Variants in PARD3 observed in about 807,000 individuals in gnomAD.
PARD3 encodes partitioning defective 3 homolog.
PARD3 carries 75 observed loss-of-function variants against 155.4 expected under a neutral mutation model. That is an observed-to-expected ratio of 0.48 (90% CI 0.40 to 0.58). The LOEUF is 0.58. Ranked by LOEUF, PARD3 falls within the 20% of genes least tolerant of loss-of-function variation. PARD3 has a pLI of 0.00. For synonymous variants in PARD3, 576 were observed against 610.5 expected, an observed-to-expected ratio of 0.94 and a Z score of 0.83; for missense variants, 1,642 against 1,721.7, an observed-to-expected ratio of 0.95 and a Z score of 0.82.
rs117919302 is a variant in PARD3 at position 34,326,850 on chromosome 10, T to C, written c.2833+4267A>G. 2.7e-3 allele frequency among the ~76,000 whole-genome samples: 406 copies of C among 152,348 alleles called. 2 individuals are homozygous for C. Among genetic ancestry groups the C allele is most frequent in the Non-Finnish European group, 4.3e-3 (295 of 68,026 alleles). ...ATTATGCAAGCTACCTACTTCATGT[T>C]TGAAGACAATGCCTTCATGTTTGCA... On this transcript the variant is annotated intron_variant, in intron 19 of 24. Coordinates refer to ENST00000374788, the MANE Select transcript of PARD3 (RefSeq NM_001184785.2).
intron 2 of PARD3, among the ~76,000 whole-genome samples, chr10:34,578,110 AG>A (rs1297288262): frequency 2.6e-5 from 4 of 151,902 alleles, no homozygotes; most frequent in African/African-American, 9.7e-5. Flanking sequence ...CCTGGCCTCA[AG>A]CAATCCTGCT....
Position 34,119,712 on chromosome 10 carries a change from C to T in PARD3, c.3569G>A (p.Gly1190Glu). 1 of 1,612,836 alleles carries T rather than the reference C, an allele frequency of 6.2e-7. No individual in the cohort carries two copies. Among genetic ancestry groups the T allele is most frequent in the Non-Finnish European group, 8.5e-7 (1 of 1,179,468 alleles). ...WPNARPATQS[G>E]RHSVSVEVQM... ...CACCTCCACGGACACCGAGTGTCGC[C>T]CGCTCTGCGTCGCCGGCCGTGCGTT... is the stretch of plus-strand genomic sequence containing the variant. The change falls in exon 24 of 25, where the codon GGG becomes GAG. Residue 1190 changes from glycine to glutamate, a missense_variant. Physicochemically the swap from Gly to Glu is moderately conservative, Grantham distance 98. Coordinates refer to ENST00000374788, the MANE Select transcript of PARD3 (RefSeq NM_001184785.2).
intron 5 of PARD3, among the ~76,000 whole-genome samples, chr10:34,406,572 T>C (rs1377932851): frequency 6.6e-6 from 1 of 152,166 alleles, no homozygotes; most frequent in Non-Finnish European, 1.5e-5. Flanking sequence ...TTTTCTCTTT[T>C]TTTGACACGG....
chr10:34,117,410 T>G (rs1268513220), intron 24 of PARD3, among the ~76,000 whole-genome samples: 1 of 150,790 alleles, frequency 6.6e-6, no homozygotes, highest in African/African-American at 2.4e-5. Flanking sequence ...ACCCTTCCGA[T>G]GGAATGCAGC....
chr10:34,690,651 T>A (rs1381717435), intron 2 of PARD3, among the ~76,000 whole-genome samples: 1 of 152,186 alleles, frequency 6.6e-6, no homozygotes, highest in African/African-American at 2.4e-5. Flanking sequence ...GGGCCAGGCA[T>A]ATCCCAGAAA....
chr10:34,166,056 A>C (rs1949514440), intron 22 of PARD3, among the ~76,000 whole-genome samples: 1 of 152,154 alleles, frequency 6.6e-6, no homozygotes, highest in South Asian at 2.1e-4. Flanking sequence ...TCTTTCCCTA[A>C]ACCTTCCCTC....
chr10:34,484,129 A>G (rs968142660), intron 3 of PARD3, among the ~76,000 whole-genome samples: 1 of 152,168 alleles, frequency 6.6e-6, no homozygotes, highest in Non-Finnish European at 1.5e-5. Context: ...TGAAAAGGAC[A>G]CTTTTTTAAA....
chr10:34,700,275 T>C (rs969187783), intron 1 of PARD3, among the ~76,000 whole-genome samples: 6 of 151,994 alleles, frequency 3.9e-5, no homozygotes, highest in Non-Finnish European at 7.3e-5. Flanking sequence ...CCTTGCCTAG[T>C]GCTAGACAAA....
intron 22 of PARD3, among the ~76,000 whole-genome samples, chr10:34,258,836 C>A (rs1954799521): frequency 6.6e-6 from 1 of 152,082 alleles, no homozygotes; most frequent in Non-Finnish European, 1.5e-5. Context: ...GTGGGAGGAT[C>A]GCTTAACCCA....
At chr10:34,683,409 A>G (rs1481684826) in intron 2 of PARD3, among the ~76,000 whole-genome samples, 1 of 151,556 alleles carries the variant, frequency 6.6e-6, no homozygotes, top group African/African-American at 2.4e-5. Flanking sequence ...ACAAACAAAA[A>G]ACTCGTAAGA....
At chr10:34,476,313 G>A (rs575277371) in intron 3 of PARD3, among the ~76,000 whole-genome samples, 10 of 152,244 alleles carry the variant, frequency 6.6e-5, no homozygotes, top group Admixed American at 2.0e-4. Flanking sequence ...CTGCGAGTGT[G>A]TGGGGTAAAG....
intron 20 of PARD3, among the ~76,000 whole-genome samples, chr10:34,296,382 C>A (rs2133994703): frequency 6.6e-6 from 1 of 151,914 alleles, no homozygotes. Flanking sequence ...AGGCACGTAC[C>A]ACCACACCCA....
rs892072095 is a variant in PARD3 at position 34,548,919 on chromosome 10, T to C, written c.223-31760A>G. On this transcript the variant is annotated intron_variant, in intron 2 of 24. Transcript: ENST00000374788. ...ACTACTTGGACAGGAATAATCCAGG[T>C]ATATCCATTCTTAGACCTTACATCA... Among the ~76,000 whole-genome samples the C allele has an allele frequency of 4.6e-5, 7 of 152,214 alleles. No individual in the cohort carries two copies. In the East Asian group the frequency reaches 1.3e-3, roughly 29 times the overall value.
At chr10:34,326,928 A>C (rs771999772) in intron 19 of PARD3, among the ~76,000 whole-genome samples, 2 of 152,240 alleles carry the variant, frequency 1.3e-5, no homozygotes, top group African/African-American at 2.4e-5. Context: ...TCTTAAAATC[A>C]ATAGGTATAA....
chr10:34,268,045 G>A (rs1225433490), intron 22 of PARD3, among the ~76,000 whole-genome samples: 1 of 152,114 alleles, frequency 6.6e-6, no homozygotes, highest in Admixed American at 6.6e-5. Context: ...TATCATTTAT[G>A]ACAATAACAT....
chr10:34,644,718 G>A (rs529657194), intron 2 of PARD3, among the ~76,000 whole-genome samples: 33 of 152,210 alleles, frequency 2.2e-4, no homozygotes, highest in Non-Finnish European at 3.2e-4. Context: ...GACTGATGGA[G>A]ATCAGACCTT....
intron 2 of PARD3, among the ~76,000 whole-genome samples, chr10:34,608,353 G>GATGGA (rs1473109152): frequency 6.6e-6 from 1 of 152,058 alleles, no homozygotes; most frequent in Non-Finnish European, 1.5e-5. Flanking sequence ...CGTTGGGAAA[G>GATGGA]ATGGAAATCA....
At chr10:34,645,201 G>T (rs2001536) in intron 2 of PARD3, among the ~76,000 whole-genome samples, 16 of 136,696 alleles carry the variant, frequency 1.2e-4, no homozygotes, top group South Asian at 6.3e-4. Flanking sequence ...ATTTTATTTT[G>T]ATTTATTTTA....
intron 14 of PARD3, among the ~76,000 whole-genome samples, chr10:34,352,847 T>C (rs1029365751): frequency 6.6e-6 from 1 of 151,382 alleles, no homozygotes; most frequent in African/African-American, 2.4e-5. Context: ...GGCTGCCCAG[T>C]CTGGGAAGTG....
Sources: gnomAD v4.1 joint callset for allele counts (sites outside exome capture counted in the v4.1 genomes callset) on GRCh38, gnomAD v4.1.1 for gene constraint, MANE v1.5 for transcripts, NCBI Gene and HGNC (gene_info 2026-07-23, HGNC 2026-07-21) for gene names.